ENOX1: variants seen among roughly 807,000 people sequenced by gnomAD.
ENOX1 encodes ecto-NOX disulfide-thiol exchanger 1, also known as candidate growth-related and time keeping constitutive hydroquinone (NADH) oxidase.
A neutral mutation model predicts 82.5 loss-of-function variants in ENOX1; 42 were observed. That is an observed-to-expected ratio of 0.51 (90% confidence interval 0.40 to 0.66). ENOX1 has a LOEUF of 0.66. Among genes scored for constraint, ENOX1 ranks in the 30% least tolerant of loss-of-function variants. The probability of loss-of-function intolerance (pLI) is 0.00; values close to 1 mark genes in which losing one functional copy is unlikely to be tolerated. For synonymous variants in ENOX1, 271 were observed against 282.2 expected (o/e 0.96, Z 0.40); for missense variants, 608 against 811.6 (o/e 0.75, Z 3.05).
chr13:43,391,648 A>G (rs2052784563), intron 5 of ENOX1, among the ~76,000 whole-genome samples: 3 of 152,074 alleles, frequency 2.0e-5, no homozygotes, highest in Admixed American at 2.0e-4. Flanking sequence ...CATCTAATCC[A>G]TCACAAAATC....
chr13:43,311,077 T>C (rs1228265867), intron 11 of ENOX1, among the ~76,000 whole-genome samples: 1 of 151,942 alleles, frequency 6.6e-6, no homozygotes, highest in Non-Finnish European at 1.5e-5. Flanking sequence ...ACACAGGTGA[T>C]ACTTTGGGGA....
At chr13:43,538,774 T>C (rs2078576995) in intron 2 of ENOX1, among the ~76,000 whole-genome samples, 1 of 151,974 alleles carries the variant, frequency 6.6e-6, no homozygotes, top group African/African-American at 2.4e-5. Flanking sequence ...TTTTTCCTTG[T>C]TTGAGGTTGA....
chr13:43,298,210 TTC>T, intron 12 of ENOX1, 134 bp downstream of exon 12: 3 of 878,436 alleles, frequency 3.4e-6, no homozygotes, highest in Middle Eastern at 3.6e-4. Flanking sequence ...ATTAGCACTT[TTC>T]TGTCCTAGTA....
chr13:43,478,785 T>C (rs1005288305), intron 3 of ENOX1, among the ~76,000 whole-genome samples: 1 of 152,230 alleles, frequency 6.6e-6, no homozygotes, highest in Non-Finnish European at 1.5e-5. Flanking sequence ...TGTTAATTCA[T>C]GAATTCTTCT....
intron 2 of ENOX1, among the ~76,000 whole-genome samples, chr13:43,655,032 C>T (rs78172099): frequency 6.6e-6 from 1 of 152,172 alleles, no homozygotes; most frequent in African/African-American, 2.4e-5. Flanking sequence ...CCTTTCTTCA[C>T]TCTGTGACAC....
At chr13:43,295,798 C>T (rs1409289435) in intron 12 of ENOX1, among the ~76,000 whole-genome samples, 2 of 152,238 alleles carry the variant, frequency 1.3e-5, no homozygotes, top group Admixed American at 6.5e-5. Context: ...GTCATTTATT[C>T]ATACAAGGTA....
At chr13:43,733,618 A>G (rs2089460535) in intron 1 of ENOX1, among the ~76,000 whole-genome samples, 1 of 152,180 alleles carries the variant, frequency 6.6e-6, no homozygotes, top group African/African-American at 2.4e-5. Flanking sequence ...CTTGTTTTCC[A>G]AATATACCCT....
chr13:43,633,865 T>A (rs1444416765), intron 2 of ENOX1, among the ~76,000 whole-genome samples: 1 of 152,126 alleles, frequency 6.6e-6, no homozygotes. Flanking sequence ...TATTGAGTAC[T>A]ATGTAGGTAT....
intron 15 of ENOX1, among the ~76,000 whole-genome samples, chr13:43,232,870 A>C (rs1360054542): frequency 6.6e-6 from 1 of 152,228 alleles, no homozygotes; most frequent in Non-Finnish European, 1.5e-5. Flanking sequence ...AATTATTATA[A>C]AAAGCAAGAG....
chr13:43,388,453 C>T (rs2052565730), intron 5 of ENOX1, among the ~76,000 whole-genome samples: 1 of 152,156 alleles, frequency 6.6e-6, no homozygotes, highest in Non-Finnish European at 1.5e-5. Flanking sequence ...TTTGACAACT[C>T]AGTTCAACAT....
intron 1 of ENOX1, among the ~76,000 whole-genome samples, chr13:43,684,335 A>G (rs2085955911): frequency 6.6e-6 from 1 of 152,178 alleles, no homozygotes; most frequent in Non-Finnish European, 1.5e-5. Context: ...TATTGAGGAA[A>G]CAAAGTGGTC....
chr13:43,626,364 A>T (rs548557754), intron 2 of ENOX1, among the ~76,000 whole-genome samples: 1 of 151,622 alleles, frequency 6.6e-6, no homozygotes, highest in South Asian at 2.1e-4. Context: ...TTCTGCTTCA[A>T]GTTTAACTTG....
intron 2 of ENOX1, among the ~76,000 whole-genome samples, chr13:43,531,725 C>T (rs1358919007): frequency 2.7e-5 from 4 of 147,516 alleles, no homozygotes; most frequent in African/African-American, 1.0e-4. Context: ...ACATATACAC[C>T]ATGGAATACT....
At chr13:43,695,928 T>C (rs2153806474) in intron 1 of ENOX1, among the ~76,000 whole-genome samples, 1 of 152,240 alleles carries the variant, frequency 6.6e-6, no homozygotes, top group Middle Eastern at 3.4e-3. Context: ...AAACCCCATA[T>C]CCATCAGTAG....
chr13:43,623,742 T>C (rs1288811064), intron 2 of ENOX1, among the ~76,000 whole-genome samples: 1 of 152,166 alleles, frequency 6.6e-6, no homozygotes, highest in Non-Finnish European at 1.5e-5. Flanking sequence ...CTGCCTCCCA[T>C]CTGCCATGAT....
intron 2 of ENOX1, among the ~76,000 whole-genome samples, chr13:43,646,359 G>A (rs1427350272): frequency 6.6e-6 from 1 of 152,202 alleles, no homozygotes; most frequent in East Asian, 1.9e-4. Context: ...GTTTGCAGAT[G>A]TTGGCTAACT....
At chr13:43,221,010 C>T (rs930373095) in intron 16 of ENOX1, among the ~76,000 whole-genome samples, 2 of 152,210 alleles carry the variant, frequency 1.3e-5, no homozygotes, top group Non-Finnish European at 2.9e-5. Flanking sequence ...GCTATTAGTA[C>T]AGAAGTGCGA....
At chr13:43,785,435 G>T (rs879129845) in intron 1 of ENOX1, among the ~76,000 whole-genome samples, 3 of 152,120 alleles carry the variant, frequency 2.0e-5, no homozygotes, top group African/African-American at 7.2e-5. Context: ...ACTCAAATCT[G>T]CAGCCCAGTT....
chr13:43,658,077 A>G (rs2084532100), intron 2 of ENOX1, among the ~76,000 whole-genome samples: 1 of 152,214 alleles, frequency 6.6e-6, no homozygotes, highest in African/African-American at 2.4e-5. Context: ...AGAGAGAATC[A>G]TTAAGATATT....
Sources: allele counts gnomAD v4.1 joint callset (sites outside exome capture counted in the v4.1 genomes callset), GRCh38; gene constraint gnomAD v4.1.1; transcripts MANE v1.5; gene names NCBI Gene and HGNC (gene_info 2026-07-23, HGNC 2026-07-21).